Variants in SDAD1 observed in about 807,000 individuals in gnomAD.
SDAD1 encodes the protein SDA1 domain containing 1.
Under a neutral mutation model 100.3 loss-of-function variants are expected in SDAD1, and 79 were observed. That is an observed-to-expected ratio of 0.79 (90% CI 0.66 to 0.95). The LOEUF (loss-of-function observed/expected upper bound fraction) is 0.95, where lower values mean the gene tolerates loss of function less well. Ranked by LOEUF, SDAD1 falls within the 40% of genes least tolerant of loss-of-function variation. The pLI is 0.00. For synonymous variants in SDAD1, 267 were observed against 271.4 expected, an observed-to-expected ratio of 0.98 and a Z score of 0.16; for missense variants, 790 against 810.9, an observed-to-expected ratio of 0.97 and a Z score of 0.31.
chr4:75,976,597 A>C (rs111447504), intron 4 of SDAD1, among the ~76,000 whole-genome samples: 2,579 of 152,264 alleles, frequency 0.017, 64 homozygotes, highest in Middle Eastern at 0.061. Context: ...TACTAATTGG[A>C]ATAGAGTTTC....
At chr4:75,955,439 C>G (rs544831505) in intron 21 of SDAD1, among the ~76,000 whole-genome samples, 1 of 152,060 alleles carries the variant, frequency 6.6e-6, no homozygotes, top group African/African-American at 2.4e-5. Context: ...CGTTGCATTG[C>G]GGGCTGCTGG....
At chr4:75,977,006 G>T (rs1236367031) in intron 4 of SDAD1, among the ~76,000 whole-genome samples, 1 of 151,936 alleles carries the variant, frequency 6.6e-6, no homozygotes, top group Non-Finnish European at 1.5e-5. Context: ...GCCCAGGCTG[G>T]TCTCAAACTC....
Position 75,957,936 on chromosome 4 carries a change from A to G in SDAD1, c.1489T>C (p.Trp497Arg), listed in dbSNP as rs1729001750. The change falls in exon 18 of 22, where the codon TGG becomes CGG. Residue 497 changes from tryptophan (W) to arginine (R), a missense_variant. Coordinates refer to ENST00000356260, the MANE Select transcript of SDAD1 (RefSeq NM_018115.4). ...EENAENDEDG[W>R]ESTSLSEEED... ...TCCTCACTGAGACTGGTACTTTCCC[A>G]TCCATCTGCGTGAAAAAAGCAAACC... is the stretch of plus-strand genomic sequence containing the variant. 6.2e-7 allele frequency: 1 copy of G among 1,612,396 alleles called. No homozygotes were observed. The highest frequency in any genetic ancestry group is 1.7e-5 in the Admixed American group (1 of 59,998).
intron 13 of SDAD1, among the ~76,000 whole-genome samples, chr4:75,964,552 C>T (rs76892779): frequency 3.3e-5 from 3 of 90,586 alleles, no homozygotes; most frequent in Non-Finnish European, 8.0e-5. Flanking sequence ...AGACGTACAA[C>T]TGAACTTCTG....
intron 12 of SDAD1, 104 bp downstream of exon 12, chr4:75,967,173 T>C: frequency 9.4e-7 from 1 of 1,058,944 alleles, no homozygotes; most frequent in Non-Finnish European, 1.4e-6. Context: ...ATCTCTAATG[T>C]AGAGCACACT....
At position 75,971,343 on chromosome 4, in the gene SDAD1, G is replaced by A. The variant is rs1448018760; in HGVS notation, c.813+14C>T. 1 of 1,578,980 alleles carries A rather than the reference G, an allele frequency of 6.3e-7. No individual in the cohort carries two copies. The highest frequency in any genetic ancestry group is 1.1e-5 in the South Asian group (1 of 90,224). On this transcript the variant is annotated intron_variant, in intron 9 of 21. Coordinates refer to ENST00000356260, the MANE Select transcript of SDAD1 (RefSeq NM_018115.4). ...CTAATCACTCCTATCTCATTTTCCAGATACAAGTCCCACCTTGAGCACTTT... is the reference window on the plus strand; with the variant it reads ...CTAATCACTCCTATCTCATTTTCCAAATACAAGTCCCACCTTGAGCACTTT...
chr4:75,951,076 C>A (rs562182325), intron 21 of SDAD1, among the ~76,000 whole-genome samples: 2 of 152,080 alleles, frequency 1.3e-5, no homozygotes, highest in South Asian at 4.1e-4. Context: ...ATTTATTATC[C>A]CTGTCTCCAG....
chr4:75,961,022 A>C lies in SDAD1; in HGVS notation c.1356+6T>G. The C allele has an allele frequency of 6.2e-7, 1 of 1,612,722 alleles. No homozygotes were observed. The highest frequency in any genetic ancestry group is 8.5e-7 in the Non-Finnish European group (1 of 1,179,356). ...CTTTAGACCAACATAAGTGTGCTTT[A>C]CCTACCCGGAATTTCTTCTGCAGCA... On this transcript the variant is annotated splice_donor_region_variant and intron_variant, in intron 16 of 21. Coordinates refer to ENST00000356260, the MANE Select transcript of SDAD1 (RefSeq NM_018115.4).
chr4:75,964,736 C>T (rs948764027), intron 13 of SDAD1, among the ~76,000 whole-genome samples: 1 of 152,214 alleles, frequency 6.6e-6, no homozygotes, highest in Non-Finnish European at 1.5e-5. Flanking sequence ...GTGAAGATTT[C>T]ATGGACATTT....
intron 1 of SDAD1, among the ~76,000 whole-genome samples, chr4:75,983,841 T>C (rs1730701733): frequency 6.6e-6 from 1 of 152,180 alleles, no homozygotes; most frequent in Admixed American, 6.5e-5. Context: ...GCTTTTGGTG[T>C]TTTAGTCATT....
At chr4:75,987,423 A>AAAAT (rs1730967611) in intron 1 of SDAD1, among the ~76,000 whole-genome samples, 2 of 152,184 alleles carry the variant, frequency 1.3e-5, no homozygotes, top group African/African-American at 4.8e-5. Context: ...ACCTTCTGTA[A>AAAAT]TCAGATTTTT....
At chr4:75,977,118 T>C (rs2149325126) in intron 4 of SDAD1, among the ~76,000 whole-genome samples, 1 of 152,318 alleles carries the variant, frequency 6.6e-6, no homozygotes, top group African/African-American at 2.4e-5. Flanking sequence ...ATTTCTTTCA[T>C]AAATCTTCAG....
intron 11 of SDAD1, among the ~76,000 whole-genome samples, chr4:75,968,410 G>A (rs1729673310): frequency 6.6e-6 from 1 of 151,748 alleles, no homozygotes; most frequent in African/African-American, 2.4e-5. Flanking sequence ...TTTTTAAATG[G>A]ATGTTCAGAG....
chr4:75,985,569 G>T (rs2149332815), intron 1 of SDAD1, among the ~76,000 whole-genome samples: 1 of 152,150 alleles, frequency 6.6e-6, no homozygotes, highest in East Asian at 1.9e-4. Flanking sequence ...CAACATTTCA[G>T]CTCTTTGCTC....
At chr4:75,980,799 C>A (rs1470727689) in intron 3 of SDAD1, 1 of 153,950 alleles carries the variant, frequency 6.5e-6, no homozygotes, top group Admixed American at 6.4e-5. Flanking sequence ...TCCGATTTAG[C>A]TGAGGACAAT....
At chr4:75,970,279 A>T (rs763351504) in intron 10 of SDAD1, 30 bp downstream of exon 10, 8 of 1,588,278 alleles carry the variant, frequency 5.0e-6, no homozygotes, top group Non-Finnish European at 6.9e-6. Flanking sequence ...GATAAGGCCA[A>T]CAAGGAACTC....
chr4:75,978,779 C>T (rs1438663010), intron 3 of SDAD1, among the ~76,000 whole-genome samples: 1 of 150,688 alleles, frequency 6.6e-6, no homozygotes, highest in East Asian at 2.0e-4. Flanking sequence ...AGTTCAAGAC[C>T]AGCCTGGGCA....
At chr4:75,952,729 C>G (rs1295805330) in intron 21 of SDAD1, among the ~76,000 whole-genome samples, 4 of 152,196 alleles carry the variant, frequency 2.6e-5, no homozygotes, top group Admixed American at 2.6e-4. Flanking sequence ...TAGCCACTAA[C>G]TACATGTGAC....
chr4:75,960,639 A>G (rs1729176756), intron 16 of SDAD1, among the ~76,000 whole-genome samples: 1 of 152,040 alleles, frequency 6.6e-6, no homozygotes, highest in Non-Finnish European at 1.5e-5. Flanking sequence ...GTCTTGAAAA[A>G]CGTCATCTCT....
Sources: gnomAD v4.1 joint callset for allele counts (sites outside exome capture counted in the v4.1 genomes callset) on GRCh38, gnomAD v4.1.1 for gene constraint, MANE v1.5 for transcripts, NCBI Gene and HGNC (gene_info 2026-07-23, HGNC 2026-07-21) for gene names.